Variants in BICC1 observed in about 807,000 individuals in gnomAD.
BICC1 encodes BicC family RNA binding protein 1, also known as protein bicaudal C homolog 1.
A neutral mutation model predicts 111.0 loss-of-function variants in BICC1; 43 were observed. The ratio of observed to expected loss-of-function variants is 0.39; its 90% CI spans 0.30 to 0.50. The LOEUF is 0.50. Among genes scored for constraint, BICC1 ranks in the 20% least tolerant of loss-of-function variants. The pLI is 0.88. For missense variants in BICC1, 1,091 were observed against 1,203.2 expected (o/e 0.91, Z 1.38); for synonymous variants, 467 against 434.4 (o/e 1.07, Z -0.93).
At chr10:58,643,864 T>C (rs955692431) in intron 2 of BICC1, among the ~76,000 whole-genome samples, 1 of 152,320 alleles carries the variant, frequency 6.6e-6, no homozygotes, top group South Asian at 2.1e-4. Flanking sequence ...GAGGAGCTTC[T>C]GTTAATTACC....
In BICC1 at chr10:58,769,425, T is replaced by A. The variant is rs533010920; in HGVS notation, c.308-15576T>A. Among the ~76,000 whole-genome samples the A allele has an allele frequency of 7.4e-4, 108 of 145,046 alleles. 2 individuals carry two copies. Among genetic ancestry groups the A allele is most frequent in the African/African-American group, 2.7e-3 (107 of 40,158 alleles). ...GTGTGTATATATATATATATATATA[T>A]AATCACAGTATATATCTTTAATAGA... On this transcript the variant is annotated intron_variant, in intron 3 of 20. Transcript: ENST00000373886.
chr10:58,806,804 T>C (rs967009348), intron 16 of BICC1, among the ~76,000 whole-genome samples, 181 bp downstream of exon 16: 1 of 152,242 alleles, frequency 6.6e-6, no homozygotes, highest in Non-Finnish European at 1.5e-5. Context: ...TTAGACCAAT[T>C]AAGAAATCAT....
intron 1 of BICC1, among the ~76,000 whole-genome samples, chr10:58,599,894 A>T (rs1261652404): frequency 6.6e-6 from 1 of 150,910 alleles, no homozygotes; most frequent in African/African-American, 2.4e-5. Flanking sequence ...GACTAACATG[A>T]TTTTAATTGT....
intron 3 of BICC1, among the ~76,000 whole-genome samples, chr10:58,736,195 G>C (rs1465897041): frequency 6.6e-6 from 1 of 152,166 alleles, no homozygotes; most frequent in Non-Finnish European, 1.5e-5. Context: ...ATGCAGATCA[G>C]TTCTATGTGG....
intron 2 of BICC1, among the ~76,000 whole-genome samples, chr10:58,696,931 C>T (rs996484647): frequency 1.3e-5 from 2 of 152,186 alleles, no homozygotes; most frequent in African/African-American, 4.8e-5. Flanking sequence ...CCCCACCCCC[C>T]TGCTGAGACG....
At chr10:58,552,689 A>G (rs1346426967) in intron 1 of BICC1, among the ~76,000 whole-genome samples, 2 of 152,188 alleles carry the variant, frequency 1.3e-5, no homozygotes, top group African/African-American at 4.8e-5. Context: ...GACCAGAAAT[A>G]AGGAAATTGA....
intron 3 of BICC1, among the ~76,000 whole-genome samples, chr10:58,753,865 T>C (rs1404038281): frequency 6.6e-6 from 1 of 152,194 alleles, no homozygotes; most frequent in Non-Finnish European, 1.5e-5. Context: ...TTCCGTACTA[T>C]ATCATTTGTC....
At chr10:58,551,004 T>C (rs969180239) in intron 1 of BICC1, among the ~76,000 whole-genome samples, 2 of 152,204 alleles carry the variant, frequency 1.3e-5, no homozygotes, top group Non-Finnish European at 2.9e-5. Flanking sequence ...TTAAGTGACA[T>C]TGAGAATGCA....
At chr10:58,776,199 TA>T (rs1842744345) in intron 3 of BICC1, among the ~76,000 whole-genome samples, 1 of 152,198 alleles carries the variant, frequency 6.6e-6, no homozygotes, top group Non-Finnish European at 1.5e-5. Flanking sequence ...GTCACCTTTT[TA>T]TTTACGGGAC....
chr10:58,692,531 G>A (rs1001478884), intron 2 of BICC1, among the ~76,000 whole-genome samples: 1 of 151,972 alleles, frequency 6.6e-6, no homozygotes. Flanking sequence ...TAAATGTATA[G>A]GAAAATGAAA....
chr10:58,635,331 A>C (rs1421846855), intron 2 of BICC1, among the ~76,000 whole-genome samples: 1 of 152,238 alleles, frequency 6.6e-6, no homozygotes, highest in Non-Finnish European at 1.5e-5. Context: ...AGAAATATGT[A>C]ATTTGTGGCA....
intron 1 of BICC1, among the ~76,000 whole-genome samples, chr10:58,599,401 C>T (rs1326136319): frequency 6.6e-6 from 1 of 152,084 alleles, no homozygotes; most frequent in Non-Finnish European, 1.5e-5. Flanking sequence ...ATCACAAGAA[C>T]AGAAAACTAA....
chr10:58,820,659 T>C (rs1039601177), intron 20 of BICC1, among the ~76,000 whole-genome samples, 191 bp downstream of exon 20: 1 of 152,112 alleles, frequency 6.6e-6, no homozygotes, highest in Non-Finnish European at 1.5e-5. Context: ...AGGCATTGCC[T>C]GAAAACCTGC....
Position 58,800,070 on chromosome 10 carries a change from T to G in BICC1, c.1726-124T>G, listed in dbSNP as rs549998884. 3.1e-4 allele frequency: 205 copies of G among 651,594 alleles called. 2 individuals are homozygous for G. The East Asian group carries it at 5.6e-3, about 18-fold the overall frequency. 40.4% of individuals were successfully genotyped at this position (651,594 alleles called of 1,614,324 possible). A position where few individuals can be genotyped will look rare whatever the true frequency, so the allele number is the denominator to read the frequency against. On this transcript the variant is annotated intron_variant, in intron 12 of 20. Coordinates refer to ENST00000373886, the MANE Select transcript of BICC1 (RefSeq NM_001080512.3). ...CTCCTTGTAGATATATTTCATCTCC[T>G]TAGTTAGAAGTATTCCAGGGTGGTT... is the stretch of plus-strand genomic sequence containing the variant.
intron 1 of BICC1, among the ~76,000 whole-genome samples, chr10:58,610,272 T>G (rs1845373372): frequency 6.6e-6 from 1 of 152,172 alleles, no homozygotes; most frequent in Non-Finnish European, 1.5e-5. Flanking sequence ...TTTGCTTGCT[T>G]TCTGTTGTGC....
rs1326927765 is a variant in BICC1, at chr10:58,789,791, G to A, written c.905G>A (p.Arg302Gln). The A allele has an allele frequency of 3.1e-6, 5 of 1,613,960 alleles. No individual in the cohort carries two copies. The highest frequency in any genetic ancestry group is 2.7e-5 in the African/African-American group (2 of 74,876). ...AAQHHLFMMG[R>Q]NGSNIKHIMQ... ...CAACATCATCTCTTTATGATGGGTCGAAATGGGAGCAACATCAAACATATC... is the reference window on the plus strand; with the variant it reads ...CAACATCATCTCTTTATGATGGGTCAAAATGGGAGCAACATCAAACATATC... Residue 302 changes from arginine to glutamine, a missense_variant, in exon 8 of 21, where the codon CGA becomes CAA. This residue lies in a region of BICC1 where 843 missense variants were observed against 900.8 expected (regional missense o/e 0.94). Coordinates refer to ENST00000373886, the MANE Select transcript of BICC1 (RefSeq NM_001080512.3).
At chr10:58,821,521 T>C (rs1463143954) in intron 20 of BICC1, among the ~76,000 whole-genome samples, 1 of 152,140 alleles carries the variant, frequency 6.6e-6, no homozygotes, top group East Asian at 1.9e-4. Flanking sequence ...AGGAAATCTT[T>C]ATCTGAAGCA....
At chr10:58,747,809 G>A (rs760808967) in intron 3 of BICC1, among the ~76,000 whole-genome samples, 1 of 152,012 alleles carries the variant, frequency 6.6e-6, no homozygotes, top group African/African-American at 2.4e-5. Flanking sequence ...CTTTCATCAG[G>A]GATTGGCAAA....
chr10:58,531,622 T>C (rs1589068277), intron 1 of BICC1, among the ~76,000 whole-genome samples: 1 of 151,698 alleles, frequency 6.6e-6, no homozygotes. Flanking sequence ...TGACAAATAG[T>C]TTAAAAGGAA....
Sources: gnomAD v4.1 joint callset for allele counts (sites outside exome capture counted in the v4.1 genomes callset) on GRCh38, gnomAD v4.1.1 for gene constraint, gnomAD v4.1.1 regional missense constraint, MANE v1.5 for transcripts, NCBI Gene and HGNC (gene_info 2026-07-23, HGNC 2026-07-21) for gene names.